Variants in MCPH1 observed in about 807,000 individuals in gnomAD.
The protein encoded by MCPH1 is microcephalin.
A neutral mutation model predicts 84.5 loss-of-function variants in MCPH1; 104 were observed. That is an observed-to-expected ratio of 1.23 (90% CI 1.05 to 1.45). MCPH1 has a LOEUF of 1.45. Ranked by LOEUF, MCPH1 falls within the 40% of genes most tolerant of loss-of-function variation. The probability of loss-of-function intolerance (pLI) is 0.00; values close to 1 mark genes in which losing one functional copy is unlikely to be tolerated. For synonymous variants in MCPH1, 514 were observed against 366.8 expected (o/e 1.40, Z -4.58); for missense variants, 1,498 against 1,005.7 (o/e 1.49, Z -6.62).
At chr8:6,554,092 C>T (rs1204976072) in intron 12 of MCPH1, among the ~76,000 whole-genome samples, 3 of 149,564 alleles carry the variant, frequency 2.0e-5, no homozygotes, top group Admixed American at 1.4e-4. Context: ...CTGAGTACTT[C>T]AGACAGGGAG....
chr8:6,555,941 G>T (rs552419987), intron 12 of MCPH1, among the ~76,000 whole-genome samples: 3 of 152,212 alleles, frequency 2.0e-5, no homozygotes, highest in African/African-American at 7.2e-5. Context: ...AGAAGGGCTG[G>T]CATCTCACCT....
At chr8:6,600,863 A>G (rs1163013775) in intron 12 of MCPH1, among the ~76,000 whole-genome samples, 5 of 152,166 alleles carry the variant, frequency 3.3e-5, no homozygotes, top group Non-Finnish European at 7.3e-5. Flanking sequence ...TTGAGGAGAC[A>G]TTGCCTAGAA....
intron 12 of MCPH1, among the ~76,000 whole-genome samples, chr8:6,517,970 A>G (rs921682147): frequency 6.6e-6 from 1 of 152,182 alleles, no homozygotes; most frequent in Non-Finnish European, 1.5e-5. Context: ...TTTTACTGCA[A>G]ATGTTTAAAG....
At chr8:6,584,477 C>G (rs1285789912) in intron 12 of MCPH1, among the ~76,000 whole-genome samples, 2 of 152,186 alleles carry the variant, frequency 1.3e-5, no homozygotes, top group Non-Finnish European at 2.9e-5. Context: ...TTAATCTCTG[C>G]TTATCCCAAT....
chr8:6,484,624 G>C (rs533473525), intron 11 of MCPH1, among the ~76,000 whole-genome samples: 1 of 152,362 alleles, frequency 6.6e-6, no homozygotes, highest in African/African-American at 2.4e-5. Context: ...CAGCACAGCT[G>C]TCCCTCCAGT....
chr8:6,601,192 G>T (rs1563173282), intron 12 of MCPH1, among the ~76,000 whole-genome samples: 1 of 152,136 alleles, frequency 6.6e-6, no homozygotes. Flanking sequence ...CTTTCCAGAG[G>T]ATTATTCCTG....
At chr8:6,510,818 C>A (rs1383985193) in intron 12 of MCPH1, among the ~76,000 whole-genome samples, 1 of 152,170 alleles carries the variant, frequency 6.6e-6, no homozygotes, top group Non-Finnish European at 1.5e-5. Context: ...TAAGTGACTT[C>A]AGTATTAAGG....
At position 6,625,937 on chromosome 8, in the gene MCPH1, CCTTT is replaced by C. The variant is rs60002150; in HGVS notation, c.2452+4251_2452+4254del. 5.5e-3 allele frequency: 5,421 copies of C among 985,000 alleles called. 238 individuals are homozygous for C. In the African/African-American group the frequency reaches 0.088, roughly 16 times the overall value. The allele number at this position is 985,000 out of a possible 1,614,324, so 61.0% of individuals were successfully genotyped here. A position where few individuals can be genotyped will look rare whatever the true frequency, so the allele number is the denominator to read the frequency against. ...CTCTCTGAGAAGTTTCTTTTCTTTT[CCTTT>C]CTTTATTATTATTAGTATTCTGTGG... is the stretch of plus-strand genomic sequence containing the variant. On this transcript the variant is annotated intron_variant, in intron 13 of 13. Coordinates refer to ENST00000344683, the MANE Select transcript of MCPH1 (RefSeq NM_024596.5).
chr8:6,626,357 C>G, intron 13 of MCPH1: 1 of 985,300 alleles, frequency 1.0e-6, no homozygotes, highest in Non-Finnish European at 1.2e-6. Flanking sequence ...TGATTACGTT[C>G]CCTCTTCATT....
At chr8:6,487,179 A>G (rs770472295) in intron 11 of MCPH1, among the ~76,000 whole-genome samples, 4 of 152,238 alleles carry the variant, frequency 2.6e-5, no homozygotes, top group Non-Finnish European at 4.4e-5. Context: ...TAAAAGCTAA[A>G]TCAGCTTTAC....
intron 12 of MCPH1, among the ~76,000 whole-genome samples, chr8:6,541,933 A>C (rs977157993): frequency 1.3e-5 from 2 of 151,420 alleles, no homozygotes; most frequent in Non-Finnish European, 2.9e-5. Flanking sequence ...GCTTGAGCCC[A>C]GGAGGTTGAG....
At chr8:6,638,901 C>T (rs951880555) in intron 13 of MCPH1, among the ~76,000 whole-genome samples, 6 of 152,182 alleles carry the variant, frequency 3.9e-5, no homozygotes, top group Admixed American at 6.5e-5. Context: ...TGGTCAGATG[C>T]GCTTCAGACC....
rs185736569 is a variant in MCPH1, at chr8:6,445,165, C to T, written c.1443C>T (p.Ile481=). The T allele has an allele frequency of 3.9e-5, 63 of 1,614,256 alleles. No individual in the cohort carries two copies. The Admixed American group carries it at 1.0e-3, about 26-fold the overall frequency. The change falls in exon 8 of 14, where the codon ATC becomes ATT. Residue 481 remains isoleucine (I), a synonymous_variant. Transcript: ENST00000344683. ...TTACCAATTTCACAGCAAAAACCAT[C>T]TCCAGTCCTCGGAAAACTGGAAATG... ...VDITNFTAKT[I]SSPRKTGNGE...
chr8:6,452,436 G>A (rs1055177356), intron 8 of MCPH1, among the ~76,000 whole-genome samples: 13 of 152,196 alleles, frequency 8.5e-5, no homozygotes, highest in South Asian at 2.1e-4. Flanking sequence ...TGATCATTTC[G>A]TGAAAACGAA....
chr8:6,469,050 A>G (rs1225724655), intron 9 of MCPH1, among the ~76,000 whole-genome samples: 1 of 152,080 alleles, frequency 6.6e-6, no homozygotes, highest in Non-Finnish European at 1.5e-5. Flanking sequence ...TAAAAATATT[A>G]GTTGGACATG....
intron 12 of MCPH1, among the ~76,000 whole-genome samples, chr8:6,529,255 A>T (rs1818983730): frequency 6.6e-6 from 1 of 151,996 alleles, no homozygotes; most frequent in Non-Finnish European, 1.5e-5. Context: ...AAGATATGAG[A>T]CCTCCAGCCA....
At chr8:6,528,922 A>T (rs1818910148) in intron 12 of MCPH1, among the ~76,000 whole-genome samples, 1 of 152,162 alleles carries the variant, frequency 6.6e-6, no homozygotes, top group Non-Finnish European at 1.5e-5. Context: ...TGGCCAACGT[A>T]AGGTTTTGTT....
intron 13 of MCPH1, among the ~76,000 whole-genome samples, chr8:6,634,255 G>A (rs1035523382): frequency 3.3e-5 from 5 of 152,212 alleles, no homozygotes; most frequent in African/African-American, 1.2e-4. Context: ...CAACAGGCTG[G>A]TTGCAGAAAT....
intron 9 of MCPH1, among the ~76,000 whole-genome samples, chr8:6,461,999 C>A (rs1208361074): frequency 6.6e-6 from 1 of 152,208 alleles, no homozygotes; most frequent in Middle Eastern, 3.4e-3. Context: ...TTGTAAGTGG[C>A]TCAGTTGTAG....
Sources: allele counts gnomAD v4.1 joint callset (sites outside exome capture counted in the v4.1 genomes callset), GRCh38; gene constraint gnomAD v4.1.1; transcripts MANE v1.5; gene names NCBI Gene and HGNC (gene_info 2026-07-23, HGNC 2026-07-21).